Variants in NAV3 observed in about 807,000 individuals in gnomAD.
NAV3 encodes pore membrane and/or filament interacting like protein 1.
In NAV3, 87 loss-of-function variants were observed where a neutral mutation model predicts 244.7. The observed-to-expected ratio is 0.36, with a 90% CI of 0.30 to 0.42. The LOEUF is 0.42. Ranked by LOEUF, NAV3 falls within the 20% of genes least tolerant of loss-of-function variation. NAV3 has a pLI of 1.00. For missense variants in NAV3, 2,663 were observed against 2,893.3 expected, an observed-to-expected ratio of 0.92 and a Z score of 1.83; for synonymous variants, 1,126 against 1,042.2, an observed-to-expected ratio of 1.08 and a Z score of -1.55.
intron 12 of NAV3, among the ~76,000 whole-genome samples, chr12:78,084,733 T>A (rs1194808461): frequency 6.6e-6 from 1 of 152,128 alleles, no homozygotes; most frequent in Non-Finnish European, 1.5e-5. Flanking sequence ...TCTAAAACTG[T>A]TTTTACTAAA....
At chr12:78,049,265 A>G (rs190893550) in intron 9 of NAV3, among the ~76,000 whole-genome samples, 5 of 151,964 alleles carry the variant, frequency 3.3e-5, no homozygotes, top group East Asian at 3.9e-4. Context: ...CTACTGGGGT[A>G]TGAAAAAAAA....
At chr12:77,658,916 C>G (rs1378355676) in intron 2 of NAV3, among the ~76,000 whole-genome samples, 1 of 152,186 alleles carries the variant, frequency 6.6e-6, no homozygotes, top group Non-Finnish European at 1.5e-5. Flanking sequence ...ATGTAGAAAG[C>G]TGAAACTGGA....
intron 1 of NAV3, among the ~76,000 whole-genome samples, chr12:77,903,867 T>G (rs1885621892): frequency 1.3e-5 from 2 of 152,244 alleles, no homozygotes; most frequent in South Asian, 4.1e-4. Flanking sequence ...AAGAAGACAT[T>G]TATGCAGCCA....
chr12:77,626,673 A>C (rs1335718989), intron 2 of NAV3, among the ~76,000 whole-genome samples: 1 of 152,150 alleles, frequency 6.6e-6, no homozygotes, highest in Non-Finnish European at 1.5e-5. Context: ...AAGAAAAAAA[A>C]CCTGCTAGCC....
chr12:78,137,087 G>A (rs1565705634), intron 18 of NAV3, 90 bp from the exon 19 acceptor site: 5 of 1,211,828 alleles, frequency 4.1e-6, no homozygotes, highest in Non-Finnish European at 5.8e-6. Flanking sequence ...GTTTTCATAA[G>A]TATTGGGATC....
intron 2 of NAV3, among the ~76,000 whole-genome samples, chr12:77,601,183 T>C (rs1870412688): frequency 6.6e-6 from 1 of 151,980 alleles, no homozygotes; most frequent in African/African-American, 2.4e-5. Flanking sequence ...ATAATTATTA[T>C]CTGCATTTCA....
chr12:77,691,189 T>C (rs941011357), intron 2 of NAV3, among the ~76,000 whole-genome samples: 1 of 150,734 alleles, frequency 6.6e-6, no homozygotes, highest in African/African-American at 2.4e-5. Flanking sequence ...CTCATAAATA[T>C]AATTGAAACA....
intron 18 of NAV3, among the ~76,000 whole-genome samples, chr12:78,134,036 T>TA (rs2138959660): frequency 6.6e-6 from 1 of 152,338 alleles, no homozygotes; most frequent in South Asian, 2.1e-4. Context: ...CCACAAGGGT[T>TA]ACATGCAGGA....
chr12:78,071,239 G>A (rs536530192), intron 12 of NAV3, among the ~76,000 whole-genome samples: 3,138 of 152,200 alleles, frequency 0.021, 43 homozygotes, highest in Non-Finnish European at 0.03. Context: ...TTTAATGATT[G>A]CCATTCTAAC....
At chr12:78,098,994 T>A (rs1954403130) in intron 12 of NAV3, among the ~76,000 whole-genome samples, 1 of 149,382 alleles carries the variant, frequency 6.7e-6, no homozygotes, top group African/African-American at 2.5e-5. Context: ...GTCATATGGG[T>A]GGCAGGAATT....
rs576688368 is a variant in NAV3, at chr12:77,819,447, C to T, written c.73-120872C>T. ...TACTTAAAGGTTATCTACAAATTTT[C>T]CTTTATTCTCATTTCTTTGAAGTTT... On this transcript the variant is annotated intron_variant, in intron 2 of 8. Transcript: ENST00000550042. 8.6e-5 allele frequency among the ~76,000 whole-genome samples: 13 copies of T among 151,536 alleles called. No homozygotes were observed. The East Asian group carries it at 2.3e-3, about 27-fold the overall frequency.
At chr12:77,847,765 A>C (rs1057112326) in intron 1 of NAV3, among the ~76,000 whole-genome samples, 7 of 152,178 alleles carry the variant, frequency 4.6e-5, no homozygotes, top group Admixed American at 4.6e-4. Flanking sequence ...CTGATGTCTT[A>C]GCCCCGTGTT....
intron 1 of NAV3, among the ~76,000 whole-genome samples, chr12:77,933,792 T>C (rs1206114244): frequency 6.6e-6 from 1 of 152,216 alleles, no homozygotes; most frequent in Non-Finnish European, 1.5e-5. Flanking sequence ...ATATCAGTTC[T>C]GTAACAACAA....
chr12:77,822,807 T>C (rs1010193762), intron 2 of NAV3, among the ~76,000 whole-genome samples: 4 of 152,158 alleles, frequency 2.6e-5, no homozygotes, highest in Admixed American at 2.6e-4. Flanking sequence ...GGGAAGTTCT[T>C]ACCTGGATGA....
intron 2 of NAV3, among the ~76,000 whole-genome samples, chr12:77,704,611 T>C (rs1416889451): frequency 6.6e-6 from 1 of 152,180 alleles, no homozygotes. Flanking sequence ...AGATTTTCCA[T>C]AGTCCTTAAT....
At chr12:77,622,893 C>T (rs1871443473) in intron 2 of NAV3, among the ~76,000 whole-genome samples, 1 of 152,014 alleles carries the variant, frequency 6.6e-6, no homozygotes, top group African/African-American at 2.4e-5. Context: ...GCAGAGGTAC[C>T]AATTCTGTTG....
At chr12:77,932,569 A>G (rs1418038511) in intron 1 of NAV3, among the ~76,000 whole-genome samples, 1 of 152,156 alleles carries the variant, frequency 6.6e-6, no homozygotes, top group Admixed American at 6.5e-5. Flanking sequence ...ATTTCTTAGT[A>G]AATACAGGGC....
chr12:77,607,114 A>C (rs1242273600), intron 2 of NAV3, among the ~76,000 whole-genome samples: 1 of 152,128 alleles, frequency 6.6e-6, no homozygotes, highest in East Asian at 1.9e-4. Flanking sequence ...AAGTTTTCTT[A>C]AAGACGTCTG....
At chr12:77,991,514 A>G (rs1181152509) in intron 5 of NAV3, among the ~76,000 whole-genome samples, 1 of 152,210 alleles carries the variant, frequency 6.6e-6, no homozygotes, top group Non-Finnish European at 1.5e-5. Context: ...GAGATTTAAT[A>G]TGTGTCTAGA....
Sources: allele counts gnomAD v4.1 joint callset (sites outside exome capture counted in the v4.1 genomes callset), GRCh38; gene constraint gnomAD v4.1.1; transcripts MANE v1.5; gene names NCBI Gene and HGNC (gene_info 2026-07-23, HGNC 2026-07-21).